Variants in FLVCR1 observed in about 807,000 individuals in gnomAD.
FLVCR1 encodes FLVCR choline and heme transporter 1.
In FLVCR1, 34 loss-of-function variants were observed where a neutral mutation model predicts 53.6. The observed-to-expected ratio is 0.63, with a 90% CI of 0.48 to 0.84. The LOEUF (loss-of-function observed/expected upper bound fraction) is 0.84, where lower values mean the gene tolerates loss of function less well. Ranked by LOEUF, FLVCR1 falls within the 40% of genes least tolerant of loss-of-function variation. FLVCR1 has a pLI of 0.00. For synonymous variants in FLVCR1, 300 were observed against 286.3 expected (o/e 1.05, Z -0.48); for missense variants, 677 against 696.7 (o/e 0.97, Z 0.32).
In FLVCR1 at chr1:212,887,065, C is replaced by G. The variant is rs1019938179; in HGVS notation, c.1197-826C>G. Among the ~76,000 whole-genome samples, 3 of 152,142 alleles carry G rather than the reference C, an allele frequency of 2.0e-5. No individual in the cohort carries two copies. The South Asian group carries it at 6.2e-4, about 31-fold the overall frequency. ...ACTGTGTCCCGTGTACCTTTCAAGGCTCAAGATATATTTGATATTATTAGT... is the reference window on the plus strand; with the variant it reads ...ACTGTGTCCCGTGTACCTTTCAAGGGTCAAGATATATTTGATATTATTAGT... On this transcript the variant is annotated intron_variant, in intron 5 of 9. Coordinates refer to ENST00000366971, the MANE Select transcript of FLVCR1 (RefSeq NM_014053.4).
chr1:212,870,790 A>G (rs758371401), intron 2 of FLVCR1, among the ~76,000 whole-genome samples: 1 of 151,822 alleles, frequency 6.6e-6, no homozygotes, highest in Non-Finnish European at 1.5e-5. Context: ...GTTTTTTGAG[A>G]TAGTCTCACT....
At chr1:212,871,639 C>T (rs1057259491) in intron 2 of FLVCR1, among the ~76,000 whole-genome samples, 1 of 152,124 alleles carries the variant, frequency 6.6e-6, no homozygotes, top group African/African-American at 2.4e-5. Context: ...CCACTTTGAC[C>T]TCCCAAAGTG....
At chr1:212,863,992 C>G in intron 2 of FLVCR1, 123 bp downstream of exon 2, 1 of 791,328 alleles carries the variant, frequency 1.3e-6, no homozygotes, top group Non-Finnish European at 2.1e-6. Context: ...TTCTTCCATG[C>G]CCTGTCTTGC....
intron 3 of FLVCR1, among the ~76,000 whole-genome samples, chr1:212,880,331 C>G (rs1438433936): frequency 6.6e-6 from 1 of 152,166 alleles, no homozygotes; most frequent in Non-Finnish European, 1.5e-5. Context: ...GGGCCAAGAA[C>G]AGCAAAGATA....
chr1:212,889,039 T>C lies in FLVCR1; in HGVS notation c.1414-107T>C, dbSNP rs1326950314. 9.0e-6 allele frequency: 8 copies of C among 886,732 alleles called. No individual in the cohort carries two copies. In the South Asian group the frequency reaches 1.0e-4, roughly 12 times the overall value. The allele number at this position is 886,732 out of a possible 1,614,324, so 54.9% of individuals were successfully genotyped here. A position where few individuals can be genotyped will look rare whatever the true frequency, so the allele number is the denominator to read the frequency against. On this transcript the variant is annotated intron_variant, in intron 7 of 9. Transcript: ENST00000366971. ...AATTCAACTTTTCAATGAATGTTTC[T>C]AGAAACCAAATCATATAACCAAAAT...
rs551157799 is a variant in FLVCR1 at position 212,876,400 on chromosome 1, A to G, written c.1024+3582A>G. 3.1e-4 allele frequency among the ~76,000 whole-genome samples: 43 copies of G among 139,564 alleles called. 2 individuals are homozygous for G. Among genetic ancestry groups the G allele is most frequent in the African/African-American group, 1.1e-3 (41 of 37,176 alleles). 91.6% of individuals were successfully genotyped at this position (139,564 alleles called of 152,430 possible). The stretch of plus-strand genomic sequence containing the variant: ...TTTTTTTTTTTTGAGATGGAGTTTC[A>G]CTCCTATTGCCCAGGCTGGAGTGCA... On this transcript the variant is annotated intron_variant, in intron 3 of 9. Transcript: ENST00000366971.
chr1:212,870,590 G>A (rs2102547986), intron 2 of FLVCR1, among the ~76,000 whole-genome samples: 1 of 151,866 alleles, frequency 6.6e-6, no homozygotes, highest in East Asian at 1.9e-4. Flanking sequence ...CACAAAGCAG[G>A]TCTTCCTTGT....
At chr1:212,894,110 A>ATTT (rs34844418) in intron 8 of FLVCR1, among the ~76,000 whole-genome samples, 1,909 of 150,026 alleles carry the variant, frequency 0.013, 27 homozygotes, top group African/African-American at 0.044. Flanking sequence ...ATGTAGATTG[A>ATTT]TTTTTTTTTT....
intron 3 of FLVCR1, among the ~76,000 whole-genome samples, chr1:212,882,230 C>T (rs1451270190): frequency 6.6e-6 from 1 of 151,862 alleles, no homozygotes; most frequent in African/African-American, 2.4e-5. Flanking sequence ...AAAAAGAAAC[C>T]CTTAAGTGTC....
At chr1:212,891,368 C>T (rs1256022573) in intron 8 of FLVCR1, among the ~76,000 whole-genome samples, 8 of 128,916 alleles carry the variant, frequency 6.2e-5, no homozygotes, top group Admixed American at 6.0e-4. Flanking sequence ...TGCTTGAATC[C>T]GGGAGGCGGA....
intron 8 of FLVCR1, among the ~76,000 whole-genome samples, chr1:212,892,807 C>G (rs1404858038): frequency 3.3e-5 from 5 of 152,092 alleles, no homozygotes; most frequent in African/African-American, 1.2e-4. Context: ...GGAAAGGATG[C>G]ACCATCCTAG....
intron 3 of FLVCR1, among the ~76,000 whole-genome samples, chr1:212,880,747 G>A (rs1478533836): frequency 6.8e-6 from 1 of 147,540 alleles, no homozygotes; most frequent in South Asian, 2.2e-4. Context: ...GCAGTGAGCC[G>A]AAACTGCTAT....
chr1:212,883,677 G>T (rs1319625925), intron 4 of FLVCR1, among the ~76,000 whole-genome samples: 1 of 152,114 alleles, frequency 6.6e-6, no homozygotes, highest in African/African-American at 2.4e-5. Flanking sequence ...ATTTAGAAAG[G>T]TACTGATGAG....
chr1:212,876,764 G>A (rs923357778), intron 3 of FLVCR1, among the ~76,000 whole-genome samples: 3 of 152,172 alleles, frequency 2.0e-5, no homozygotes, highest in Admixed American at 1.3e-4. Context: ...TTGATTCCGT[G>A]TCTTTGCTAT....
chr1:212,883,558 A>G, intron 4 of FLVCR1, 120 bp downstream of exon 4: 1 of 650,340 alleles, frequency 1.5e-6, no homozygotes, highest in Admixed American at 2.6e-5. Context: ...AAATATTTAC[A>G]TTTGTTTTAA....
chr1:212,882,769 T>A (rs1218463196), intron 3 of FLVCR1, among the ~76,000 whole-genome samples: 1 of 149,156 alleles, frequency 6.7e-6, no homozygotes, highest in South Asian at 2.2e-4. Flanking sequence ...GTTGTTTTTA[T>A]TGTTCACTTC....
intron 1 of FLVCR1, among the ~76,000 whole-genome samples, chr1:212,861,228 T>C (rs1396784647): frequency 3.9e-5 from 6 of 152,210 alleles, no homozygotes; most frequent in African/African-American, 7.2e-5. Context: ...TGCCTACTTA[T>C]AGTTTCTCAC....
chr1:212,869,885 A>G (rs1664546516), intron 2 of FLVCR1, among the ~76,000 whole-genome samples: 1 of 152,254 alleles, frequency 6.6e-6, no homozygotes, highest in Non-Finnish European at 1.5e-5. Flanking sequence ...GATTTGGGCC[A>G]TTTAGATTTA....
intron 3 of FLVCR1, among the ~76,000 whole-genome samples, chr1:212,877,322 A>G (rs1484624340): frequency 6.6e-6 from 1 of 151,758 alleles, no homozygotes; most frequent in Non-Finnish European, 1.5e-5. Flanking sequence ...CAATTAGATG[A>G]TCAGTACTCC....
Sources: allele counts gnomAD v4.1 joint callset (sites outside exome capture counted in the v4.1 genomes callset), GRCh38; gene constraint gnomAD v4.1.1; transcripts MANE v1.5; gene names NCBI Gene and HGNC (gene_info 2026-07-23, HGNC 2026-07-21).